The following FNIP1 variants were observed in gnomAD, a reference collection of about 807,000 sequenced individuals.
The protein encoded by FNIP1 is folliculin interacting protein 1, also known as folliculin-interacting protein 1.
In FNIP1, 40 loss-of-function variants were observed where a neutral mutation model predicts 124.5. The ratio of observed to expected loss-of-function variants is 0.32; its 90% CI spans 0.25 to 0.42. FNIP1 has a LOEUF of 0.42. Ranked by LOEUF, FNIP1 falls within the 10% of genes least tolerant of loss-of-function variation. The pLI is 1.00. For synonymous variants in FNIP1, 472 were observed against 470.6 expected (o/e 1.00, Z -0.04); for missense variants, 1,176 against 1,403.7 (o/e 0.84, Z 2.59).
At chr5:131,700,847 C>T (rs560980201) in intron 10 of FNIP1, among the ~76,000 whole-genome samples, 4 of 152,254 alleles carry the variant, frequency 2.6e-5, no homozygotes, top group South Asian at 2.1e-4. Flanking sequence ...TAAGTAACTA[C>T]TATAGAACTT....
At chr5:131,764,501 C>T (rs558460055) in intron 1 of FNIP1, among the ~76,000 whole-genome samples, 8 of 151,940 alleles carry the variant, frequency 5.3e-5, no homozygotes, top group South Asian at 4.2e-4. Context: ...GATGAGGTTT[C>T]GCCATGTTGC....
chr5:131,741,134 T>A (rs1770498911), intron 2 of FNIP1, among the ~76,000 whole-genome samples: 1 of 152,224 alleles, frequency 6.6e-6, no homozygotes, highest in Non-Finnish European at 1.5e-5. Flanking sequence ...TTGCTTTCAC[T>A]TTACGGATTT....
At position 131,671,795 on chromosome 5, in the gene FNIP1, T is replaced by A; in HGVS notation, c.2649A>T (p.Glu883Asp). ...GAACTGTTTCTATACATTTACAAAA[T>A]TCATTGTTCTGCTTGTTATTTTTTG... ...LCTKNNKQNNEFCKCIETVPQ... is the reference protein window; with the variant it reads ...LCTKNNKQNNDFCKCIETVPQ... Residue 883 changes from glutamate to aspartate, a missense_variant, in exon 14 of 18, where the codon GAA becomes GAT. By Grantham distance (45) the Glu-to-Asp change is conservative (BLOSUM62 2). Coordinates refer to ENST00000510461, the MANE Select transcript of FNIP1 (RefSeq NM_133372.3). 6.2e-7 allele frequency: 1 copy of A among 1,614,092 alleles called. No individual in the cohort carries two copies. The highest frequency in any genetic ancestry group is 8.5e-7 in the Non-Finnish European group (1 of 1,180,018).
rs145478205 is a variant in FNIP1 at position 131,647,319 on chromosome 5, A to G, written c.3307-114T>C. The G allele has an allele frequency of 2.3e-5, 17 of 749,836 alleles. No individual in the cohort carries two copies. In the South Asian group the frequency reaches 2.9e-4, roughly 13 times the overall value. 46.4% of individuals were successfully genotyped at this position (749,836 alleles called of 1,614,324 possible). ...ATTCTGTTTGTTTATTTCAATATGA[A>G]CTAAAATTTGGAGCACATTTTTAAA... On this transcript the variant is annotated intron_variant, in intron 16 of 17. Transcript: ENST00000510461.
chr5:131,781,704 T>C (rs1409091636), intron 1 of FNIP1, among the ~76,000 whole-genome samples: 1 of 152,222 alleles, frequency 6.6e-6, no homozygotes, highest in East Asian at 1.9e-4. Context: ...TAACAATGCA[T>C]CTTGTCACCA....
chr5:131,664,879 G>A (rs1208048021), intron 15 of FNIP1, among the ~76,000 whole-genome samples: 1 of 150,056 alleles, frequency 6.7e-6, no homozygotes, highest in Non-Finnish European at 1.5e-5. Context: ...TATATATAAG[G>A]ACTCAGCTAT....
chr5:131,666,485 T>C (rs542495848), intron 15 of FNIP1, among the ~76,000 whole-genome samples: 6 of 152,308 alleles, frequency 3.9e-5, no homozygotes, highest in Admixed American at 3.9e-4. Flanking sequence ...AACTTTGTAA[T>C]GGTGATTTTG....
chr5:131,646,366 G>A (rs1766880906), intron 17 of FNIP1, among the ~76,000 whole-genome samples: 1 of 152,178 alleles, frequency 6.6e-6, no homozygotes, highest in African/African-American at 2.4e-5. Context: ...TAAGAATGAA[G>A]AAATAACACT....
chr5:131,647,218 A>G lies in FNIP1; in HGVS notation c.3307-13T>C. 6.2e-7 allele frequency: 1 copy of G among 1,600,936 alleles called. No homozygotes were observed. ...GATGCATTACACACTGCAGTTAGGG[A>G]GGAACCAAGAACCAGGTCAGAAAAC... is the stretch of plus-strand genomic sequence containing the variant. On this transcript the variant is annotated splice_polypyrimidine_tract_variant and intron_variant, in intron 16 of 17. Coordinates refer to ENST00000510461, the MANE Select transcript of FNIP1 (RefSeq NM_133372.3).
At chr5:131,733,559 A>C (rs905091670) in intron 2 of FNIP1, among the ~76,000 whole-genome samples, 2 of 152,156 alleles carry the variant, frequency 1.3e-5, no homozygotes, top group African/African-American at 4.8e-5. Context: ...ATTTTGTCAA[A>C]GGCCTTTTCT....
At chr5:131,763,288 T>TACACAC (rs34544569) in intron 1 of FNIP1, among the ~76,000 whole-genome samples, 2,579 of 148,410 alleles carry the variant, frequency 0.017, 44 homozygotes, top group East Asian at 0.04. Flanking sequence ...CAAATGCAAA[T>TACACAC]ACACACACAC....
At chr5:131,745,695 A>C (rs150202044) in intron 1 of FNIP1, among the ~76,000 whole-genome samples, 88 of 152,246 alleles carry the variant, frequency 5.8e-4, no homozygotes, top group African/African-American at 2.1e-3. Context: ...TCCACTTCGG[A>C]AAAATTTATC....
chr5:131,649,289 C>T (rs1766977659), intron 16 of FNIP1, among the ~76,000 whole-genome samples: 1 of 152,160 alleles, frequency 6.6e-6, no homozygotes, highest in Non-Finnish European at 1.5e-5. Context: ...CATGAGGGTT[C>T]CAAGGTCACC....
intron 15 of FNIP1, among the ~76,000 whole-genome samples, chr5:131,659,625 T>C (rs1340205239): frequency 6.6e-6 from 1 of 152,168 alleles, no homozygotes; most frequent in African/African-American, 2.4e-5. Flanking sequence ...CCCTCGTAGA[T>C]GGGCACTGTG....
intron 1 of FNIP1, among the ~76,000 whole-genome samples, chr5:131,750,760 G>A (rs1770847457): frequency 6.6e-6 from 1 of 151,940 alleles, no homozygotes; most frequent in Admixed American, 6.6e-5. Flanking sequence ...TTACAGGTAT[G>A]TGCCACCACG....
At chr5:131,718,507 G>A (rs1232228148) in intron 5 of FNIP1, among the ~76,000 whole-genome samples, 1 of 152,200 alleles carries the variant, frequency 6.6e-6, no homozygotes, top group Admixed American at 6.5e-5. Context: ...CACCAGGCCT[G>A]CCTTTGTTTC....
At position 131,727,294 on chromosome 5, in the gene FNIP1, T is replaced by C. The variant is rs543454563; in HGVS notation, c.354+3610A>G. On this transcript the variant is annotated intron_variant, in intron 3 of 17. Coordinates refer to ENST00000510461, the MANE Select transcript of FNIP1 (RefSeq NM_133372.3). ...TTGTGTGGGAGTCTCAGTTTCTTTG[T>C]AGGTCTTTAAGAACTTGCTTTATGA... Among the ~76,000 whole-genome samples, 4 of 152,298 alleles carry C rather than the reference T, an allele frequency of 2.6e-5. No homozygotes were observed. In the East Asian group the frequency reaches 7.7e-4, roughly 29 times the overall value.
At chr5:131,709,977 G>C (rs1433476667) in intron 7 of FNIP1, among the ~76,000 whole-genome samples, 2 of 152,160 alleles carry the variant, frequency 1.3e-5, no homozygotes, top group African/African-American at 4.8e-5. Context: ...CCGCTAAAAT[G>C]TGTGAAAACA....
At chr5:131,674,798 T>C (rs1002313409) in intron 13 of FNIP1, among the ~76,000 whole-genome samples, 1 of 151,920 alleles carries the variant, frequency 6.6e-6, no homozygotes, top group Non-Finnish European at 1.5e-5. Flanking sequence ...AGTATACACA[T>C]TTAAAATCCT....
Sources: allele counts gnomAD v4.1 joint callset (sites outside exome capture counted in the v4.1 genomes callset), GRCh38; gene constraint gnomAD v4.1.1; transcripts MANE v1.5; gene names NCBI Gene and HGNC (gene_info 2026-07-23, HGNC 2026-07-21).